FTO: variants seen among roughly 807,000 people sequenced by gnomAD.
FTO encodes alpha-ketoglutarate-dependent dioxygenase FTO.
FTO carries 47 observed loss-of-function variants against 63.9 expected under a neutral mutation model. The observed-to-expected ratio is 0.74, with a 90% CI of 0.58 to 0.94. The LOEUF (loss-of-function observed/expected upper bound fraction) is 0.94. Among genes scored for constraint, FTO ranks in the 40% least tolerant of loss-of-function variants. The pLI is 0.00. For missense variants in FTO, 562 were observed against 618.1 expected, an observed-to-expected ratio of 0.91 and a Z score of 0.96; for synonymous variants, 207 against 224.4, an observed-to-expected ratio of 0.92 and a Z score of 0.69.
chr16:53,858,651 CTTTCT>C (rs1168084063), intron 4 of FTO, among the ~76,000 whole-genome samples: 1 of 151,790 alleles, frequency 6.6e-6, no homozygotes, highest in Non-Finnish European at 1.5e-5. Flanking sequence ...TTTTGCTTTG[CTTTCT>C]TTTCTTTTTT....
Position 53,832,815 on chromosome 16 carries a change from C to T in FTO, c.751+6324C>T, listed in dbSNP as rs575368869. On this transcript the variant is annotated intron_variant, in intron 3 of 8. Transcript: ENST00000471389. ...TTAAGCATCATCCCACACCAAATCTCTGTACCCATTTAAACAATTACTCCC... is the reference window on the plus strand; with the variant it reads ...TTAAGCATCATCCCACACCAAATCTTTGTACCCATTTAAACAATTACTCCC... 1.2e-4 allele frequency among the ~76,000 whole-genome samples: 19 copies of T among 152,294 alleles called. No individual in the cohort carries two copies. In the East Asian group the frequency reaches 3.7e-3, roughly 29 times the overall value.
chr16:54,025,404 A>G (rs546309088), intron 8 of FTO, among the ~76,000 whole-genome samples: 1 of 152,318 alleles, frequency 6.6e-6, no homozygotes, highest in Admixed American at 6.5e-5. Flanking sequence ...ACCACTGCCT[A>G]TGACATTTAT....
intron 7 of FTO, among the ~76,000 whole-genome samples, chr16:53,930,768 A>T (rs1263671211): frequency 6.6e-6 from 1 of 152,218 alleles, no homozygotes; most frequent in East Asian, 1.9e-4. Context: ...CTTCTAGAGG[A>T]TCTGGTTATT....
intron 7 of FTO, among the ~76,000 whole-genome samples, chr16:53,902,731 C>G (rs2081433872): frequency 6.6e-6 from 1 of 152,172 alleles, no homozygotes; most frequent in Admixed American, 6.5e-5. Context: ...AGCATATGAC[C>G]TGAGCCAGAT....
intron 4 of FTO, among the ~76,000 whole-genome samples, chr16:53,871,688 G>T (rs1013142265): frequency 1.3e-5 from 2 of 151,156 alleles, no homozygotes; most frequent in Non-Finnish European, 2.9e-5. Context: ...TTTGGCTTTT[G>T]CTCTAATGAA....
chr16:53,860,702 T>C (rs2080148169), intron 4 of FTO, among the ~76,000 whole-genome samples: 1 of 152,122 alleles, frequency 6.6e-6, no homozygotes, highest in African/African-American at 2.4e-5. Context: ...TGCTAAACCA[T>C]TCATGAGAAA....
At chr16:53,832,910 A>G (rs1385899421) in intron 3 of FTO, among the ~76,000 whole-genome samples, 1 of 152,090 alleles carries the variant, frequency 6.6e-6, no homozygotes, top group African/African-American at 2.4e-5. Flanking sequence ...TGACTATTCT[A>G]GGTACCTCAT....
intron 2 of FTO, among the ~76,000 whole-genome samples, chr16:53,811,590 C>T (rs2078524883): frequency 6.6e-6 from 1 of 152,146 alleles, no homozygotes; most frequent in Non-Finnish European, 1.5e-5. Flanking sequence ...ATCCTTGAAG[C>T]TATAGTATTT....
intron 8 of FTO, chr16:53,992,436 A>T (rs1235483516): frequency 6.6e-6 from 1 of 152,006 alleles, no homozygotes; most frequent in Non-Finnish European, 1.5e-5. Flanking sequence ...ATGTTTCCTA[A>T]AAGATGGTTC....
chr16:54,021,999 T>A lies in FTO; in HGVS notation c.1364+87890T>A, dbSNP rs112621770. On this transcript the variant is annotated intron_variant, in intron 8 of 8. Transcript: ENST00000471389. ...CCAGCCAACCCCTTTTCCTCGGATA[T>A]TTTTTCAAGAAAAATTTTACAGCAG... is the stretch of plus-strand genomic sequence containing the variant. Among the ~76,000 whole-genome samples, 11 of 152,304 alleles carry A rather than the reference T, an allele frequency of 7.2e-5. 1 individual carries two copies. Among genetic ancestry groups the A allele is most frequent in the African/African-American group, 2.4e-4 (10 of 41,570 alleles).
intron 1 of FTO, among the ~76,000 whole-genome samples, chr16:53,740,748 A>G (rs530190163): frequency 1.3e-5 from 2 of 152,346 alleles, no homozygotes; most frequent in South Asian, 4.1e-4. Flanking sequence ...CAATGTCCCA[A>G]TACCACACAA....
chr16:53,934,369 T>C (rs1324074389), intron 8 of FTO, among the ~76,000 whole-genome samples: 2 of 152,226 alleles, frequency 1.3e-5, no homozygotes, highest in African/African-American at 4.8e-5. Context: ...ATTTTGAGCA[T>C]AATGTAATAT....
chr16:53,865,350 C>T (rs1056363156), intron 4 of FTO, among the ~76,000 whole-genome samples: 1 of 152,148 alleles, frequency 6.6e-6, no homozygotes, highest in African/African-American at 2.4e-5. Flanking sequence ...GGCCACTTAG[C>T]CTTCCTCATT....
chr16:53,751,714 A>G (rs959969103), intron 1 of FTO, among the ~76,000 whole-genome samples: 1 of 152,194 alleles, frequency 6.6e-6, no homozygotes, highest in Admixed American at 6.5e-5. Flanking sequence ...TTCTAAACTT[A>G]GAATATGGTG....
chr16:53,914,729 G>C (rs1371150795), intron 7 of FTO, among the ~76,000 whole-genome samples: 2 of 152,168 alleles, frequency 1.3e-5, no homozygotes, highest in Non-Finnish European at 2.9e-5. Context: ...AATTGTCTCC[G>C]TTAAACATGT....
At chr16:54,040,303 G>A (rs1230554573) in intron 8 of FTO, 3 of 152,036 alleles carry the variant, frequency 2.0e-5, no homozygotes, top group Non-Finnish European at 4.4e-5. Flanking sequence ...ATCCAAATGG[G>A]ATGAAGAAAA....
intron 3 of FTO, among the ~76,000 whole-genome samples, chr16:53,828,352 T>G (rs1016095820): frequency 6.6e-6 from 1 of 152,180 alleles, no homozygotes; most frequent in African/African-American, 2.4e-5. Flanking sequence ...CCCAAGTAGC[T>G]GGGGCTACAG....
chr16:53,865,291 C>A (rs2080276603), intron 4 of FTO, among the ~76,000 whole-genome samples: 1 of 152,094 alleles, frequency 6.6e-6, no homozygotes, highest in Admixed American at 6.6e-5. Flanking sequence ...CAGGATCAAC[C>A]AAAACTGCTC....
Position 53,780,017 on chromosome 16 carries a change from T to C in FTO, c.46-30123T>C, listed in dbSNP as rs187656542. Among the ~76,000 whole-genome samples the C allele has an allele frequency of 2.6e-5, 4 of 152,336 alleles. No individual in the cohort carries two copies. The East Asian group carries it at 7.7e-4, about 29-fold the overall frequency. ...AGTCTTCTCCCTCTCATAATCCACT[T>C]TCCAGACATAAGTTGGATTTATTTT... On this transcript the variant is annotated intron_variant, in intron 1 of 8. Coordinates refer to ENST00000471389, the MANE Select transcript of FTO (RefSeq NM_001080432.3).
Sources: allele counts gnomAD v4.1 joint callset (sites outside exome capture counted in the v4.1 genomes callset), GRCh38; gene constraint gnomAD v4.1.1; transcripts MANE v1.5; gene names NCBI Gene and HGNC (gene_info 2026-07-23, HGNC 2026-07-21).